STOML3: variants seen among roughly 807,000 people sequenced by gnomAD.
STOML3 encodes stomatin like 3.
Under a neutral mutation model 29.5 loss-of-function variants are expected in STOML3, and 31 were observed. The ratio of observed to expected loss-of-function variants is 1.05; its 90% confidence interval spans 0.79 to 1.42. The LOEUF (loss-of-function observed/expected upper bound fraction) is 1.42, where lower values mean the gene tolerates loss of function less well. Ranked by LOEUF, STOML3 falls within the 40% of genes most tolerant of loss-of-function variation. The pLI, the probability that STOML3 is intolerant of heterozygous loss-of-function variation, is 0.00. For synonymous variants in STOML3, 122 were observed against 139.8 expected, an observed-to-expected ratio of 0.87 and a Z score of 0.90; for missense variants, 380 against 363.0, an observed-to-expected ratio of 1.05 and a Z score of -0.38.
rs557480130 is a variant in STOML3 at position 38,989,645 on chromosome 13, T to G, written c.52+1025A>C. Among the ~76,000 whole-genome samples, 4 of 152,046 alleles carry G rather than the reference T, an allele frequency of 2.6e-5. No homozygotes were observed. In the East Asian group the frequency reaches 7.8e-4, roughly 30 times the overall value. Reference sequence around the variant, plus strand: ...AACCTCCCACTTAGCCACAGGCATGTGCCACCACACCTGGCTAAATTTTGT... The same window carrying G: ...AACCTCCCACTTAGCCACAGGCATGGGCCACCACACCTGGCTAAATTTTGT... On this transcript the variant is annotated intron_variant, in intron 1 of 6. Transcript: ENST00000379631.
At position 38,966,721 on chromosome 13, in the gene STOML3, C is replaced by T; in HGVS notation, c.*104G>A. ...CAATGCTCTTCCATCTATGGAGTTA[C>T]TGTTACATGAACAGTGTTGGAATTC... On this transcript the variant is annotated 3_prime_UTR_variant, in exon 7 of 7. Transcript: ENST00000379631. 1 of 953,522 alleles carries T rather than the reference C, an allele frequency of 1.0e-6. No homozygotes were observed. Among genetic ancestry groups the T allele is most frequent in the Non-Finnish European group, 1.6e-6 (1 of 613,968 alleles). 59.1% of individuals were successfully genotyped at this position (953,522 alleles called of 1,614,324 possible). A position where few individuals can be genotyped will look rare whatever the true frequency, so the allele number is the denominator to read the frequency against.
In STOML3 at chr13:38,966,385, G is replaced by T. The variant is rs975479328; in HGVS notation, c.*440C>A. 4 of 152,952 alleles carry T rather than the reference G, an allele frequency of 2.6e-5. No individual in the cohort carries two copies. The highest frequency in any genetic ancestry group is 9.6e-5 in the African/African-American group (4 of 41,454). 9.5% of individuals were successfully genotyped at this position (152,952 alleles called of 1,614,324 possible). On this transcript the variant is annotated 3_prime_UTR_variant, in exon 7 of 7. Coordinates refer to ENST00000379631, the MANE Select transcript of STOML3 (RefSeq NM_145286.3). ...GTGGGGTTTGATTGCAACCATTGGAGATTTAGCAAATAACAACTTCGGAAT... is the reference window on the plus strand; with the variant it reads ...GTGGGGTTTGATTGCAACCATTGGATATTTAGCAAATAACAACTTCGGAAT...
intron 1 of STOML3, among the ~76,000 whole-genome samples, chr13:38,985,911 C>CAT (rs1868503119): frequency 1.2e-5 from 1 of 85,616 alleles, no homozygotes; most frequent in Non-Finnish European, 2.1e-5. Context: ...TCTTTTCTTT[C>CAT]TTTTTTTTTT....
At position 38,980,360 on chromosome 13, in the gene STOML3, C is replaced by A. The variant is rs117519316; in HGVS notation, c.53-3563G>T. On this transcript the variant is annotated intron_variant, in intron 1 of 6. Transcript: ENST00000379631. ...AATGAGACCACACAGAGTAACTCTT[C>A]CTGGCAGCCTTTCTCTCTCCCCACT... Among the ~76,000 whole-genome samples, 570 of 152,252 alleles carry A rather than the reference C, an allele frequency of 3.7e-3. 2 individuals carry two copies. Among genetic ancestry groups the A allele is most frequent in the Non-Finnish European group, 5.5e-3 (376 of 68,010 alleles).
intron 1 of STOML3, among the ~76,000 whole-genome samples, chr13:38,981,190 A>G (rs1881256775): frequency 6.6e-6 from 1 of 152,178 alleles, no homozygotes; most frequent in Admixed American, 6.5e-5. Flanking sequence ...TTAATCTCTC[A>G]TTAAGTAAGG....
intron 1 of STOML3, among the ~76,000 whole-genome samples, chr13:38,987,058 T>C (rs936080804): frequency 6.6e-6 from 1 of 152,178 alleles, no homozygotes; most frequent in Non-Finnish European, 1.5e-5. Flanking sequence ...AAGCCATTAA[T>C]AGTGATGTGA....
chr13:38,985,917 T>TC (rs1868508219), intron 1 of STOML3, among the ~76,000 whole-genome samples: 1 of 114,884 alleles, frequency 8.7e-6, no homozygotes, highest in Non-Finnish European at 1.7e-5. Context: ...CTTTCTTTTT[T>TC]TTTTTTTTTT....
At chr13:38,972,396 G>T (rs960434019) in intron 4 of STOML3, 116 bp downstream of exon 4, 2 of 951,974 alleles carry the variant, frequency 2.1e-6, no homozygotes, top group Non-Finnish European at 3.2e-6. Flanking sequence ...GTCTCTGCGG[G>T]TACTCAGCTC....
chr13:38,983,578 G>T (rs1374728287), intron 1 of STOML3, among the ~76,000 whole-genome samples: 1 of 152,134 alleles, frequency 6.6e-6, no homozygotes, highest in East Asian at 1.9e-4. Flanking sequence ...GGCTAATCTG[G>T]CCACTGACAT....
chr13:38,988,877 ATAT>A (rs1868864435), intron 1 of STOML3, among the ~76,000 whole-genome samples: 1 of 142,302 alleles, frequency 7.0e-6, no homozygotes, highest in Admixed American at 7.5e-5. Context: ...TATATAATAT[ATAT>A]TATTACATAT....
intron 1 of STOML3, among the ~76,000 whole-genome samples, chr13:38,982,141 T>A (rs1237669703): frequency 6.6e-6 from 1 of 152,058 alleles, no homozygotes; most frequent in Non-Finnish European, 1.5e-5. Context: ...GATATAATAG[T>A]GGGCACAAAA....
At chr13:38,985,437 AT>A (rs1184745187) in intron 1 of STOML3, among the ~76,000 whole-genome samples, 1 of 152,184 alleles carries the variant, frequency 6.6e-6, no homozygotes, top group Non-Finnish European at 1.5e-5. Context: ...TCAAAAAAAA[AT>A]TTAAAAAAAG....
intron 6 of STOML3, 59 bp downstream of exon 6, chr13:38,968,341 C>G (rs1880730888): frequency 6.9e-6 from 11 of 1,585,966 alleles, no homozygotes; most frequent in Admixed American, 1.7e-5. Context: ...CAAGTCCTAT[C>G]CTTGTTGGCC....
rs1880630430 is a variant in STOML3 at position 38,966,069 on chromosome 13, A to G, written c.*756T>C. 1 of 152,220 alleles carries G rather than the reference A, an allele frequency of 6.6e-6. No individual in the cohort carries two copies. Among genetic ancestry groups the G allele is most frequent in the African/African-American group, 2.4e-5 (1 of 41,460 alleles). 9.4% of individuals were successfully genotyped at this position (152,220 alleles called of 1,614,324 possible). ...ACTAAGAACAGAGTGAAAACATGAAATCCCCAGGGTGATGCTCCTCAGTGG... is the reference window on the plus strand; with the variant it reads ...ACTAAGAACAGAGTGAAAACATGAAGTCCCCAGGGTGATGCTCCTCAGTGG... On this transcript the variant is annotated 3_prime_UTR_variant, in exon 7 of 7. Coordinates refer to ENST00000379631, the MANE Select transcript of STOML3 (RefSeq NM_145286.3).
intron 1 of STOML3, among the ~76,000 whole-genome samples, chr13:38,989,321 T>G (rs145932660): frequency 1.3e-5 from 2 of 152,148 alleles, no homozygotes; most frequent in African/African-American, 4.8e-5. Context: ...TCTTCACCTG[T>G]TAAAATGGAA....
chr13:38,967,119 G>C (rs1386158518), intron 6 of STOML3, 70 bp from the exon 7 acceptor site: 2 of 1,406,250 alleles, frequency 1.4e-6, no homozygotes, highest in African/African-American at 1.4e-5. Context: ...CTTTTTCTGG[G>C]TCTGTATTGA....
At chr13:38,987,901 A>C (rs1372360416) in intron 1 of STOML3, among the ~76,000 whole-genome samples, 1 of 69,628 alleles carries the variant, frequency 1.4e-5, no homozygotes, top group East Asian at 4.6e-4. Flanking sequence ...ATATTATGTT[A>C]TATATAATAT....
chr13:38,985,001 T>C (rs561747199), intron 1 of STOML3, among the ~76,000 whole-genome samples: 1 of 152,334 alleles, frequency 6.6e-6, no homozygotes, highest in South Asian at 2.1e-4. Flanking sequence ...AGTCCTTGTA[T>C]AGAAATCATG....
chr13:38,988,342 T>TTTATATAAAATGTATG (rs1868760993), intron 1 of STOML3, among the ~76,000 whole-genome samples: 1 of 61,350 alleles, frequency 1.6e-5, no homozygotes, highest in African/African-American at 1.1e-4. Context: ...TATAATATAT[T>TTTATATAAAATGTATG]ATATTTTATA....
Sources: allele counts gnomAD v4.1 joint callset (sites outside exome capture counted in the v4.1 genomes callset), GRCh38; gene constraint gnomAD v4.1.1; transcripts MANE v1.5; gene names NCBI Gene and HGNC (gene_info 2026-07-23, HGNC 2026-07-21).